MLIP: variants seen among roughly 807,000 people sequenced by gnomAD.
MLIP encodes muscular LMNA-interacting protein.
MLIP carries 79 observed loss-of-function variants against 84.8 expected under a neutral mutation model. The observed-to-expected ratio is 0.93, with a 90% CI of 0.78 to 1.12. The LOEUF (loss-of-function observed/expected upper bound fraction) is 1.12. MLIP is among the 50% of genes most tolerant of loss of function. The pLI is 0.00. For missense variants in MLIP, 1,257 were observed against 1,160.6 expected, an observed-to-expected ratio of 1.08 and a Z score of -1.21; for synonymous variants, 504 against 463.0, an observed-to-expected ratio of 1.09 and a Z score of -1.14.
At chr6:54,046,135 C>T (rs1457599099) in intron 1 of MLIP, 2 of 152,122 alleles carry the variant, frequency 1.3e-5, no homozygotes, top group African/African-American at 4.8e-5. Context: ...CCCTGAGTTC[C>T]AGTGTCTTCA....
intron 4 of MLIP, among the ~76,000 whole-genome samples, chr6:54,148,253 G>A (rs961526664): frequency 7.9e-5 from 12 of 152,092 alleles, no homozygotes; most frequent in African/African-American, 2.9e-4. Context: ...ATCAGCTGGA[G>A]ACCCAGAGCA....
chr6:54,121,608 A>T lies in MLIP; in HGVS notation c.252+6A>T. The T allele has an allele frequency of 6.4e-7, 1 of 1,553,732 alleles. No homozygotes were observed. The stretch of plus-strand genomic sequence containing the variant: ...GTCCAGAAACTGTAAATAGGGTAGG[A>T]TTATTTTTATTCTTTTTTAATTTCA... On this transcript the variant is annotated splice_donor_region_variant and intron_variant, in intron 2 of 13. Transcript: ENST00000502396.
intron 1 of MLIP, among the ~76,000 whole-genome samples, chr6:54,077,046 C>A (rs773170633): frequency 8.5e-5 from 13 of 152,190 alleles, no homozygotes; most frequent in Middle Eastern, 3.4e-3. Flanking sequence ...ACTGAGAGAA[C>A]CTCAGCTTCA....
rs577614243 is a variant in MLIP, at chr6:54,254,428, A to G, written c.2923-2880A>G. On this transcript the variant is annotated intron_variant, in intron 12 of 13. Transcript: ENST00000502396. ...GTGTGAGCCACCACACCCAGTCAGT[A>G]CTTGTTTTAATGCTTAGTTTCACTG... Among the ~76,000 whole-genome samples, 8 of 152,010 alleles carry G rather than the reference A, an allele frequency of 5.3e-5. No homozygotes were observed. The South Asian group carries it at 1.7e-3, about 32-fold the overall frequency.
intron 12 of MLIP, among the ~76,000 whole-genome samples, chr6:54,236,067 A>G (rs1781339236): frequency 6.6e-6 from 1 of 152,118 alleles, no homozygotes; most frequent in Non-Finnish European, 1.5e-5. Flanking sequence ...GATGCCCTAC[A>G]TATCTTTCTC....
At chr6:54,115,511 C>T (rs1769836628) in intron 1 of MLIP, among the ~76,000 whole-genome samples, 1 of 152,028 alleles carries the variant, frequency 6.6e-6, no homozygotes, top group South Asian at 2.1e-4. Flanking sequence ...GGAAGGTTTG[C>T]AGCTATTGGG....
chr6:54,139,369 A>G (rs1433369518), intron 4 of MLIP, among the ~76,000 whole-genome samples: 2 of 152,170 alleles, frequency 1.3e-5, no homozygotes, highest in African/African-American at 4.8e-5. Context: ...TTAGTAAGGG[A>G]AGTTATAAAA....
intron 5 of MLIP, among the ~76,000 whole-genome samples, chr6:54,158,580 T>G (rs1455983829): frequency 1.3e-5 from 2 of 152,088 alleles, no homozygotes; most frequent in Non-Finnish European, 2.9e-5. Context: ...ATACCTATAA[T>G]CGATGATCAA....
intron 11 of MLIP, among the ~76,000 whole-genome samples, chr6:54,209,929 G>T (rs938399383): frequency 6.7e-6 from 1 of 149,198 alleles, no homozygotes; most frequent in Non-Finnish European, 1.5e-5. Flanking sequence ...TAAGGCTCTT[G>T]AAAATTGTCA....
At chr6:54,176,375 GC>G (rs1776287429) in intron 9 of MLIP, among the ~76,000 whole-genome samples, 1 of 151,428 alleles carries the variant, frequency 6.6e-6, no homozygotes, top group South Asian at 2.1e-4. Context: ...CCCGGGCTTT[GC>G]TTTACTGGGA....
chr6:54,146,885 C>T (rs892682119), intron 4 of MLIP, among the ~76,000 whole-genome samples: 6 of 152,138 alleles, frequency 3.9e-5, no homozygotes, highest in Non-Finnish European at 8.8e-5. Flanking sequence ...GGATAAAGTG[C>T]CTGTGTCCAA....
chr6:54,219,370 CTTTTT>C (rs5876371), intron 11 of MLIP, among the ~76,000 whole-genome samples: 1 of 77,510 alleles, frequency 1.3e-5, no homozygotes, highest in Admixed American at 1.4e-4. Context: ...ACATTTTAAA[CTTTTT>C]TTTTTTTTTT....
chr6:54,076,220 G>A (rs1766796411), intron 1 of MLIP, among the ~76,000 whole-genome samples: 1 of 152,060 alleles, frequency 6.6e-6, no homozygotes, highest in African/African-American at 2.4e-5. Context: ...CCAAGGAGTG[G>A]GTCAGGATGA....
At chr6:54,045,428 T>C (rs1203599100) in intron 1 of MLIP, 1 of 152,090 alleles carries the variant, frequency 6.6e-6, no homozygotes, top group Non-Finnish European at 1.5e-5. Flanking sequence ...TCAATGAACA[T>C]GGTAGTGGCA....
At chr6:54,131,460 C>G (rs977173586) in intron 3 of MLIP, among the ~76,000 whole-genome samples, 1 of 152,078 alleles carries the variant, frequency 6.6e-6, no homozygotes, top group Non-Finnish European at 1.5e-5. Context: ...CTTAAAGTAA[C>G]CTGATTAGGG....
chr6:54,194,184 T>G (rs1227135015), intron 10 of MLIP, among the ~76,000 whole-genome samples: 1 of 73,606 alleles, frequency 1.4e-5, no homozygotes, highest in Non-Finnish European at 2.8e-5. Flanking sequence ...TGCCAGCTGA[T>G]GCATCCAGCT....
chr6:54,231,661 A>G (rs1444294895), intron 12 of MLIP, among the ~76,000 whole-genome samples: 1 of 152,170 alleles, frequency 6.6e-6, no homozygotes, highest in African/African-American at 2.4e-5. Context: ...CAGACCCTGA[A>G]AATTTCCTAA....
intron 12 of MLIP, among the ~76,000 whole-genome samples, chr6:54,255,081 C>T (rs1466097452): frequency 6.6e-6 from 1 of 152,096 alleles, no homozygotes; most frequent in Admixed American, 6.6e-5. Flanking sequence ...GAATGGGACA[C>T]CCTTGACTTC....
At chr6:54,121,395 C>T in intron 1 of MLIP, 52 bp from the exon 2 acceptor site, 1 of 1,577,118 alleles carries the variant, frequency 6.3e-7, no homozygotes, top group Non-Finnish European at 8.7e-7. Flanking sequence ...AGAATAAAGG[C>T]AAGATAAACC....
Sources: allele counts gnomAD v4.1 joint callset (sites outside exome capture counted in the v4.1 genomes callset), GRCh38; gene constraint gnomAD v4.1.1; transcripts MANE v1.5; gene names NCBI Gene and HGNC (gene_info 2026-07-23, HGNC 2026-07-21).